Variants in CHD9 observed in about 807,000 individuals in gnomAD.
The protein encoded by CHD9 is ATP-dependent chromatin remodeler CHD9.
A neutral mutation model predicts 316.1 loss-of-function variants in CHD9; 77 were observed. The ratio of observed to expected loss-of-function variants is 0.24; its 90% confidence interval spans 0.20 to 0.29. The LOEUF (loss-of-function observed/expected upper bound fraction) is 0.29, where lower values mean the gene tolerates loss of function less well. Among genes scored for constraint, CHD9 ranks in the 10% least tolerant of loss-of-function variants. The pLI is 1.00. For synonymous variants in CHD9, 1,129 were observed against 1,158.3 expected (o/e 0.97, Z 0.51); for missense variants, 2,763 against 3,438.1 (o/e 0.80, Z 4.91).
At chr16:53,148,207 C>CA (rs966905884) in intron 1 of CHD9, among the ~76,000 whole-genome samples, 2 of 151,778 alleles carry the variant, frequency 1.3e-5, no homozygotes, top group Non-Finnish European at 1.5e-5. Context: ...ACTCTGCCTC[C>CA]AAAAAAATAT....
At chr16:53,229,930 A>G (rs1280354684) in intron 8 of CHD9, among the ~76,000 whole-genome samples, 1 of 152,164 alleles carries the variant, frequency 6.6e-6, no homozygotes, top group African/African-American at 2.4e-5. Context: ...TTTTATAACA[A>G]AAAGAGAGTG....
At chr16:53,185,942 A>C (rs1461822704) in intron 2 of CHD9, among the ~76,000 whole-genome samples, 1 of 152,246 alleles carries the variant, frequency 6.6e-6, no homozygotes, top group Non-Finnish European at 1.5e-5. Flanking sequence ...GTCCAGGCAG[A>C]AGTGTGCTGC....
At chr16:53,122,962 C>T (rs1375861787) in intron 1 of CHD9, among the ~76,000 whole-genome samples, 1 of 151,460 alleles carries the variant, frequency 6.6e-6, no homozygotes, top group Non-Finnish European at 1.5e-5. Flanking sequence ...CGTGATCCAC[C>T]CACCTCGGCC....
chr16:53,264,424 A>G (rs1206169417), intron 20 of CHD9, among the ~76,000 whole-genome samples: 2 of 152,084 alleles, frequency 1.3e-5, no homozygotes, highest in African/African-American at 2.4e-5. Context: ...GTCTAATGCA[A>G]TAATTAAAAA....
intron 36 of CHD9, among the ~76,000 whole-genome samples, chr16:53,317,846 G>C (rs907750044): frequency 4.6e-5 from 7 of 152,084 alleles, no homozygotes; most frequent in African/African-American, 1.7e-4. Context: ...TTGAGCCCAA[G>C]AGTTCAAGAT....
chr16:53,312,795 G>A lies in CHD9; in HGVS notation c.7223-1582G>A, dbSNP rs544341648. ...CTTTTTGAAACTGAGATGGGAGGAAGGTTGTGACTTCTGTGAAGTTACACA... is the reference window on the plus strand; with the variant it reads ...CTTTTTGAAACTGAGATGGGAGGAAAGTTGTGACTTCTGTGAAGTTACACA... On this transcript the variant is annotated intron_variant, in intron 34 of 38. Transcript: ENST00000447540. 3.7e-4 allele frequency among the ~76,000 whole-genome samples: 57 copies of A among 152,242 alleles called. 1 individual carries two copies. The highest frequency in any genetic ancestry group is 7.8e-4 in the Admixed American group (12 of 15,288).
At position 53,231,452 on chromosome 16, in the gene CHD9, G is replaced by A; in HGVS notation, c.2320G>A (p.Glu774Lys). 1 of 1,601,504 alleles carries A rather than the reference G, an allele frequency of 6.2e-7. No homozygotes were observed. Residue 774 changes from glutamate to lysine, a missense_variant, in exon 9 of 39, where the codon GAA becomes AAA. Around this residue, in one of 15 missense-constraint regions of CHD9, gnomAD observed 186 missense variants for 245.0 expected, o/e 0.76. Transcript: ENST00000447540. ...AGAACCATTTAACCCAGACTACGTT[G>A]AAGTAGACAGAGTATTAGAAGTCTC... is the stretch of plus-strand genomic sequence containing the variant. ...EEEPFNPDYVEVDRVLEVSFC... is the reference protein window; with the variant it reads ...EEEPFNPDYVKVDRVLEVSFC...
chr16:53,306,425 G>A (rs1597938057), intron 32 of CHD9, 28 bp downstream of exon 32: 3 of 1,530,924 alleles, frequency 2.0e-6, no homozygotes, highest in Non-Finnish European at 2.6e-6. Context: ...TATTGGGATA[G>A]GTCATTTTTT....
At chr16:53,224,173 T>A (rs898116055) in intron 4 of CHD9, among the ~76,000 whole-genome samples, 3 of 152,132 alleles carry the variant, frequency 2.0e-5, no homozygotes, top group Non-Finnish European at 4.4e-5. Context: ...CTTAAGAAGC[T>A]AAAAATAAGA....
In CHD9 at chr16:53,084,345, C is replaced by A. The variant is rs1157483578; in HGVS notation, c.-165+29268C>A. The stretch of plus-strand genomic sequence containing the variant: ...AGACTCAAGTGAAAACTTGCCCTAC[C>A]CAAAGAAAGAGTCCTGAACTGGCCT... On this transcript the variant is annotated intron_variant, in intron 1 of 38. Coordinates refer to ENST00000447540, the MANE Select transcript of CHD9 (RefSeq NM_001308319.2). Among the ~76,000 whole-genome samples the A allele has an allele frequency of 2.0e-5, 3 of 152,190 alleles. 1 individual carries two copies. The East Asian group carries it at 5.8e-4, about 29-fold the overall frequency.
At chr16:53,242,126 T>G (rs916531738) in intron 12 of CHD9, among the ~76,000 whole-genome samples, 1 of 152,180 alleles carries the variant, frequency 6.6e-6, no homozygotes, top group African/African-American at 2.4e-5. Flanking sequence ...TCCCTCATCT[T>G]TAGATCTTTC....
intron 1 of CHD9, among the ~76,000 whole-genome samples, chr16:53,076,271 T>TA (rs899425782): frequency 3.3e-5 from 5 of 151,788 alleles, no homozygotes; most frequent in African/African-American, 4.8e-5. Context: ...ATCCAATTTT[T>TA]AAAAAAAAAT....
intron 11 of CHD9, among the ~76,000 whole-genome samples, chr16:53,236,500 T>A (rs1016242226): frequency 6.6e-6 from 1 of 152,070 alleles, no homozygotes; most frequent in Admixed American, 6.6e-5. Flanking sequence ...CTCCAGGCCA[T>A]CCCTGAAGAC....
In CHD9 at chr16:53,267,365, GGCTGAATTATCTGAA is replaced by G; in HGVS notation, c.4399_4413del (p.Leu1467_Glu1471del). 2 of 1,612,650 alleles carry G rather than the reference GGCTGAATTATCTGAA, an allele frequency of 1.2e-6. No individual in the cohort carries two copies. The highest frequency in any genetic ancestry group is 1.7e-6 in the Non-Finnish European group (2 of 1,179,152). ...CTTTTAGTGCCACAAAAGATGAATT[GGCTGAATTATCTGAA>G]GCTGAAAGTGAAGGAGATGAAAAGC... is the stretch of plus-strand genomic sequence containing the variant. On this transcript the variant is annotated inframe_deletion, in exon 21 of 39. Transcript: ENST00000447540.
chr16:53,062,281 A>G (rs1466043483), intron 1 of CHD9, among the ~76,000 whole-genome samples: 1 of 152,232 alleles, frequency 6.6e-6, no homozygotes, highest in Admixed American at 6.5e-5. Flanking sequence ...AACTGTAACA[A>G]TCTAATAACA....
intron 1 of CHD9, among the ~76,000 whole-genome samples, chr16:53,120,045 G>A (rs994611293): frequency 6.7e-6 from 1 of 150,284 alleles, no homozygotes; most frequent in African/African-American, 2.4e-5. Context: ...GGGTAACATA[G>A]GAAGACCCCA....
rs1375499406 is a variant in CHD9 at position 53,286,309 on chromosome 16, G to A, written c.5155G>A (p.Ala1719Thr). 2 of 1,611,938 alleles carry A rather than the reference G, an allele frequency of 1.2e-6. No individual in the cohort carries two copies. Among genetic ancestry groups the A allele is most frequent in the Non-Finnish European group, 1.7e-6 (2 of 1,178,184 alleles). The change falls in exon 26 of 39, where the codon GCT (alanine) becomes ACT (threonine). Residue 1719 changes from alanine to threonine, a missense_variant. Ala to Thr is a moderately conservative substitution (Grantham distance 58). Transcript: ENST00000447540. ...RVGKPDEKAV[A>T]AEQRANDYMD... is the part of the protein sequence containing the mutation. ...GGGAAAACCTGATGAGAAAGCAGTT[G>A]CTGCTGAACAGAGAGCGAATGATTA...
intron 2 of CHD9, among the ~76,000 whole-genome samples, chr16:53,204,058 TACACACAC>T (rs58259105): frequency 0.012 from 730 of 62,974 alleles, 38 homozygotes; most frequent in Non-Finnish European, 0.019. Context: ...AATATATATA[TACACACAC>T]ACACACACAC....
chr16:53,239,942 A>G (rs2048951739), intron 12 of CHD9, among the ~76,000 whole-genome samples: 1 of 152,178 alleles, frequency 6.6e-6, no homozygotes, highest in Non-Finnish European at 1.5e-5. Flanking sequence ...TATAAATGTA[A>G]TTGTTTCAAC....
Sources: gnomAD v4.1 joint callset for allele counts (sites outside exome capture counted in the v4.1 genomes callset) on GRCh38, gnomAD v4.1.1 for gene constraint, gnomAD v4.1.1 regional missense constraint, MANE v1.5 for transcripts, NCBI Gene and HGNC (gene_info 2026-07-23, HGNC 2026-07-21) for gene names.